PLCG1: variants seen among roughly 807,000 people sequenced by gnomAD.
PLCG1 encodes the protein phospholipase C gamma 1.
Under a neutral mutation model 177.8 loss-of-function variants are expected in PLCG1, and 71 were observed. The ratio of observed to expected loss-of-function variants is 0.40; its 90% confidence interval spans 0.33 to 0.49. PLCG1 has a LOEUF of 0.49. PLCG1 is among the 20% of genes least tolerant of loss of function. The pLI, the probability that PLCG1 is intolerant of heterozygous loss-of-function variation, is 0.72. For synonymous variants in PLCG1, 658 were observed against 647.9 expected (o/e 1.02, Z -0.24); for missense variants, 1,281 against 1,709.0 (o/e 0.75, Z 4.42).
Position 41,150,866 on chromosome 20 carries a change from C to T in PLCG1, c.218-8740C>T, listed in dbSNP as rs1321963953. ...CACCTCCCTGTTGTTCTACTCGTTG[C>T]ATGACCTCATAGTTATCTGCTTCCC... On this transcript the variant is annotated intron_variant, in intron 1 of 31. Transcript: ENST00000685551. The surrounding 1 kb of genome is among the most constrained non-coding windows in gnomAD (Gnocchi z 4.0). Among the ~76,000 whole-genome samples the T allele has an allele frequency of 6.6e-6, 1 of 152,206 alleles. No individual in the cohort carries two copies. The highest frequency in any genetic ancestry group is 6.5e-5 in the Admixed American group (1 of 15,278).
At chr20:41,155,899 A>G (rs2035306181) in intron 1 of PLCG1, among the ~76,000 whole-genome samples, 1 of 152,194 alleles carries the variant, frequency 6.6e-6, no homozygotes. Context: ...AGGGACTGCC[A>G]AGGCCTCATA....
At chr20:41,169,554 A>C (rs764122927) in intron 23 of PLCG1, 28 bp downstream of exon 23, 1 of 1,546,924 alleles carries the variant, frequency 6.5e-7, no homozygotes, top group South Asian at 1.1e-5. Context: ...TCTCTTGCCC[A>C]CTGTTCCCTA....
In PLCG1 at chr20:41,166,623, G is replaced by A; in HGVS notation, c.2120+28G>A. 1 of 1,614,088 alleles carries A rather than the reference G, an allele frequency of 6.2e-7. No homozygotes were observed. The highest frequency in any genetic ancestry group is 1.1e-5 in the South Asian group (1 of 91,074). ...GAGGGGTGTGGCACTGGGTTGTGGG[G>A]CCTTGCTTGGGTCTGAGCTGCCCTG... On this transcript the variant is annotated intron_variant, in intron 18 of 31. Transcript: ENST00000685551. The surrounding 1 kb of genome is among the most constrained non-coding windows in gnomAD (Gnocchi z 8.6).
Position 41,165,242 on chromosome 20 carries a change from C to T in PLCG1, c.1387-3C>T, listed in dbSNP as rs369832734. 1.2e-6 allele frequency: 2 copies of T among 1,613,886 alleles called. No individual in the cohort carries two copies. The highest frequency in any genetic ancestry group is 1.7e-5 in the Admixed American group (1 of 60,002). ...CATTGCCCTGTTCTGGTTGCCCCTA[C>T]AGCACAAGAAGCTGGCTGAGGGCAG... On this transcript the variant is annotated splice_region_variant and splice_polypyrimidine_tract_variant and intron_variant, in intron 13 of 31. Coordinates refer to ENST00000685551, the MANE Select transcript of PLCG1 (RefSeq NM_002660.3). This position sits in a 1 kb window ranked among gnomAD's most constrained non-coding sequence, Gnocchi z 6.6.
At position 41,173,274 on chromosome 20, in the gene PLCG1, T is replaced by G. The variant is rs1600678416; in HGVS notation, c.3280-146T>G. On this transcript the variant is annotated intron_variant, in intron 27 of 31. Coordinates refer to ENST00000685551, the MANE Select transcript of PLCG1 (RefSeq NM_002660.3). The surrounding 1 kb of genome is among the most constrained non-coding windows in gnomAD (Gnocchi z 6.2). ...GCTCTGGACAGCTTAGGGTCCCTGA[T>G]GTCGTGAGGGACTCCATGGGCAGTG... 1.3e-6 allele frequency: 1 copy of G among 797,820 alleles called. No homozygotes were observed. The highest frequency in any genetic ancestry group is 3.0e-5 in the Admixed American group (1 of 33,698). The allele number at this position is 797,820 out of a possible 1,614,324, so 49.4% of individuals were successfully genotyped here.
At chr20:41,169,294 T>G (rs2035814609) in intron 22 of PLCG1, 119 bp downstream of exon 22, 4 of 946,096 alleles carry the variant, frequency 4.2e-6, no homozygotes, top group Non-Finnish European at 6.9e-6. Flanking sequence ...CATGGGCTGG[T>G]CGCACAGCCC....
intron 1 of PLCG1, among the ~76,000 whole-genome samples, chr20:41,155,962 T>C (rs954878243): frequency 2.0e-5 from 3 of 152,070 alleles, no homozygotes; most frequent in African/African-American, 4.8e-5. Context: ...AAGGGGATGG[T>C]CAGGGAAAGC....
Position 41,165,352 on chromosome 20 carries a change from G to A in PLCG1, c.1494G>A (p.Glu498=), listed in dbSNP as rs761682116. The change falls in exon 14 of 32, where the codon GAG becomes GAA. Residue 498 remains glutamate, a synonymous_variant. Coordinates refer to ENST00000685551, the MANE Select transcript of PLCG1 (RefSeq NM_002660.3). The surrounding 1 kb of genome is among the most constrained non-coding windows in gnomAD (Gnocchi z 6.6). ...TCAAGAATGGCATCCTCTACCTGGA[G>A]GACCCTGTGAACCACGTGAGGACTG... The part of the protein sequence containing the change: ...NSIKNGILYL[E]DPVNHEWYPH... 3 of 1,614,070 alleles carry A rather than the reference G, an allele frequency of 1.9e-6. No homozygotes were observed. The highest frequency in any genetic ancestry group is 2.5e-6 in the Non-Finnish European group (3 of 1,180,032).
Position 41,163,643 on chromosome 20 carries a change from C to T in PLCG1, c.892-72C>T, listed in dbSNP as rs999758861. On this transcript the variant is annotated intron_variant, in intron 9 of 31. Coordinates refer to ENST00000685551, the MANE Select transcript of PLCG1 (RefSeq NM_002660.3). The surrounding 1 kb of genome is among the most constrained non-coding windows in gnomAD (Gnocchi z 5.2). Reference sequence around the variant, plus strand: ...TGGGACAGAGCACTCTCTCTCCTACCCCCAACCTACCATCTTGGGTTGGAC... The same window carrying T: ...TGGGACAGAGCACTCTCTCTCCTACTCCCAACCTACCATCTTGGGTTGGAC... 2.9e-5 allele frequency: 34 copies of T among 1,169,270 alleles called. No homozygotes were observed. The highest frequency in any genetic ancestry group is 1.9e-4 in the Middle Eastern group (1 of 5,168). 72.4% of individuals were successfully genotyped at this position (1,169,270 alleles called of 1,614,324 possible). A position where few individuals can be genotyped will look rare whatever the true frequency, so the allele number is the denominator to read the frequency against.
intron 24 of PLCG1, among the ~76,000 whole-genome samples, chr20:41,171,177 A>G (rs563547309): frequency 6.6e-6 from 1 of 152,324 alleles, no homozygotes; most frequent in South Asian, 2.1e-4. Flanking sequence ...CAAGCCAAAT[A>G]GAGAAGGGAT....
At position 41,172,113 on chromosome 20, in the gene PLCG1, C is replaced by A; in HGVS notation, c.2809-80C>A. 9.4e-7 allele frequency: 1 copy of A among 1,058,322 alleles called. No homozygotes were observed. Among genetic ancestry groups the A allele is most frequent in the Non-Finnish European group, 1.5e-6 (1 of 673,544 alleles). 65.6% of individuals were successfully genotyped at this position (1,058,322 alleles called of 1,614,324 possible). The stretch of plus-strand genomic sequence containing the variant: ...GGGCCCAGAGCACCTGCAGTGTGGG[C>A]ATGCCCAAGGTTGGCAGGGGCTTCC... On this transcript the variant is annotated intron_variant, in intron 24 of 31. Coordinates refer to ENST00000685551, the MANE Select transcript of PLCG1 (RefSeq NM_002660.3). This position sits in a 1 kb window ranked among gnomAD's most constrained non-coding sequence, Gnocchi z 7.0.
In PLCG1 at chr20:41,170,106, TC is replaced by T; in HGVS notation, c.2651-3del. 6.2e-7 allele frequency: 1 copy of T among 1,606,110 alleles called. No homozygotes were observed. Among genetic ancestry groups the T allele is most frequent in the Non-Finnish European group, 8.5e-7 (1 of 1,174,812 alleles). On this transcript the variant is annotated splice_polypyrimidine_tract_variant and splice_region_variant and intron_variant, in intron 23 of 31. Coordinates refer to ENST00000685551, the MANE Select transcript of PLCG1 (RefSeq NM_002660.3). ...TCCCAGCTGTTATCTGCTCTCGCCC[TC>T]CCAGCCATCCGTCCTGAGGGCAAGA...
rs758910652 is a variant in PLCG1 at position 41,153,833 on chromosome 20, T to TTGCA, written c.218-5772_218-5769dup. On this transcript the variant is annotated intron_variant, in intron 1 of 31. Coordinates refer to ENST00000685551, the MANE Select transcript of PLCG1 (RefSeq NM_002660.3). The surrounding 1 kb of genome is among the most constrained non-coding windows in gnomAD (Gnocchi z 5.1). Reference sequence around the variant, plus strand: ...ATCACTTGAACCCCGGAGGCAGAGGTTGCAGTGAACCGAGATTGCACCACT... The same window carrying TTGCA: ...ATCACTTGAACCCCGGAGGCAGAGGTTGCATGCAGTGAACCGAGATTGCACCACT... Among the ~76,000 whole-genome samples the TTGCA allele has an allele frequency of 5.9e-5, 9 of 152,180 alleles. No individual in the cohort carries two copies. Among genetic ancestry groups the TTGCA allele is most frequent in the Non-Finnish European group, 1.0e-4 (7 of 67,994 alleles).
chr20:41,169,118 C>T lies in PLCG1; in HGVS notation c.2523C>T (p.Phe841=). 1 of 1,614,054 alleles carries T rather than the reference C, an allele frequency of 6.2e-7. No homozygotes were observed. Among genetic ancestry groups the T allele is most frequent in the Non-Finnish European group, 8.5e-7 (1 of 1,179,910 alleles). The part of the protein sequence containing the change: ...GDYGGKKQLW[F]PSNYVEEMVN... ...ACGGAGGGAAGAAGCAGCTGTGGTTCCCATCAAACTACGTGGAAGAGATGG... is the reference window on the plus strand; with the variant it reads ...ACGGAGGGAAGAAGCAGCTGTGGTTTCCATCAAACTACGTGGAAGAGATGG... The change falls in exon 22 of 32, where the codon TTC becomes TTT. Residue 841 remains phenylalanine, a synonymous_variant. Transcript: ENST00000685551.
At chr20:41,170,336 T>C in intron 24 of PLCG1, 67 bp downstream of exon 24, 1 of 1,569,314 alleles carries the variant, frequency 6.4e-7, no homozygotes, top group Non-Finnish European at 8.7e-7. Flanking sequence ...GGCCTCCAGC[T>C]CCCAGCACAG....
In PLCG1 at chr20:41,172,864, C is replaced by A. The variant is rs764204467; in HGVS notation, c.3266C>A (p.Ala1089Asp). 3.1e-6 allele frequency: 5 copies of A among 1,613,994 alleles called. No homozygotes were observed. Among genetic ancestry groups the A allele is most frequent in the Admixed American group, 1.7e-5 (1 of 60,008 alleles). ...AGCCTCCGCGGGCTGGAGCCATGTG[C>A]CATCTCTATTGAGGTGGGTGCTGCT... The part of the protein sequence containing the change: ...KSSLRGLEPC[A>D]ISIEVLGARH... The change falls in exon 27 of 32, where the codon GCC becomes GAC. Residue 1089 changes from alanine (A) to aspartate (D), a missense_variant. Ala to Asp is a moderately radical substitution (Grantham distance 126). Coordinates refer to ENST00000685551, the MANE Select transcript of PLCG1 (RefSeq NM_002660.3). The surrounding 1 kb of genome is among the most constrained non-coding windows in gnomAD (Gnocchi z 7.0).
In PLCG1 at chr20:41,172,374, C is replaced by T. The variant is rs773980019; in HGVS notation, c.2906-47C>T. The T allele has an allele frequency of 4.4e-6, 7 of 1,590,756 alleles. No homozygotes were observed. The highest frequency in any genetic ancestry group is 6.0e-6 in the Non-Finnish European group (7 of 1,158,828). ...AGAGTATTTAGGTATCCCCCCAACA[C>T]TTCCTGGGTGGGCGGGCTCTGTAAG... On this transcript the variant is annotated intron_variant, in intron 25 of 31. Coordinates refer to ENST00000685551, the MANE Select transcript of PLCG1 (RefSeq NM_002660.3). The surrounding 1 kb of genome is among the most constrained non-coding windows in gnomAD (Gnocchi z 7.0).
At position 41,165,702 on chromosome 20, in the gene PLCG1, C is replaced by T. The variant is rs765759937; in HGVS notation, c.1675C>T (p.Arg559Cys). 8 of 1,613,726 alleles carry T rather than the reference C, an allele frequency of 5.0e-6. No individual in the cohort carries two copies. Among genetic ancestry groups the T allele is most frequent in the Admixed American group, 3.3e-5 (2 of 60,014 alleles). ...GTTCCATGGGAAGCTAGGGGCAGGG[C>T]GTGACGGGCGTCACATCGCTGAGCG... ...KWFHGKLGAG[R>C]DGRHIAERLL... Residue 559 changes from arginine to cysteine, a missense_variant, in exon 16 of 32, where the codon CGT becomes TGT. Physicochemically the swap from Arg to Cys is radical, Grantham distance 180. Coordinates refer to ENST00000685551, the MANE Select transcript of PLCG1 (RefSeq NM_002660.3). The surrounding 1 kb of genome is among the most constrained non-coding windows in gnomAD (Gnocchi z 6.6).
At chr20:41,158,740 G>T (rs2035400020) in intron 1 of PLCG1, among the ~76,000 whole-genome samples, 1 of 152,204 alleles carries the variant, frequency 6.6e-6, no homozygotes, top group South Asian at 2.1e-4. Context: ...GTAGAGCTAG[G>T]ATTTTAGTTC....
Sources: allele counts gnomAD v4.1 joint callset (sites outside exome capture counted in the v4.1 genomes callset), GRCh38; gene constraint gnomAD v4.1.1; non-coding constraint Gnocchi (gnomAD v3.1); transcripts MANE v1.5; gene names NCBI Gene and HGNC (gene_info 2026-07-23, HGNC 2026-07-21).